The following PRKAG2 variants were observed in gnomAD, a reference collection of about 807,000 sequenced individuals.
PRKAG2 encodes protein kinase AMP-activated non-catalytic subunit gamma 2, also known as 5'-AMP-activated protein kinase subunit gamma-2.
Under a neutral mutation model 69.6 loss-of-function variants are expected in PRKAG2, and 26 were observed. That is an observed-to-expected ratio of 0.37 (90% CI 0.27 to 0.52). PRKAG2 has a LOEUF of 0.52. PRKAG2 is among the 20% of genes least tolerant of loss of function. The pLI, the probability that PRKAG2 is intolerant of heterozygous loss-of-function variation, is 0.90. For synonymous variants in PRKAG2, 293 were observed against 285.0 expected (o/e 1.03, Z -0.28); for missense variants, 557 against 740.0 (o/e 0.75, Z 2.87).
At chr7:151,636,614 G>C (rs180675421) in intron 4 of PRKAG2, among the ~76,000 whole-genome samples, 304 of 152,240 alleles carry the variant, frequency 2.0e-3, no homozygotes, top group Middle Eastern at 3.4e-3. Flanking sequence ...GGACATTCCT[G>C]TGCAAGTGTT....
intron 1 of PRKAG2, among the ~76,000 whole-genome samples, chr7:151,798,754 G>A (rs913971928): frequency 6.6e-6 from 1 of 152,338 alleles, no homozygotes; most frequent in African/African-American, 2.4e-5. Flanking sequence ...CACCAGAAGT[G>A]TGGAGCAAGG....
At chr7:151,720,198 A>G (rs770592807) in intron 3 of PRKAG2, among the ~76,000 whole-genome samples, 2 of 152,182 alleles carry the variant, frequency 1.3e-5, no homozygotes, top group Non-Finnish European at 2.9e-5. Flanking sequence ...GGCTGCAGAC[A>G]GCCGTTTGTG....
chr7:151,801,428 G>A (rs1204508628), intron 1 of PRKAG2, among the ~76,000 whole-genome samples: 1 of 152,182 alleles, frequency 6.6e-6, no homozygotes, highest in East Asian at 1.9e-4. Context: ...CCCCAGGCTG[G>A]GGCAATGAGG....
At chr7:151,870,573 C>A (rs542724591) in intron 1 of PRKAG2, among the ~76,000 whole-genome samples, 5 of 152,222 alleles carry the variant, frequency 3.3e-5, no homozygotes, top group Non-Finnish European at 7.3e-5. Flanking sequence ...GGCTTCCATC[C>A]GGAGCGTTTC....
intron 4 of PRKAG2, among the ~76,000 whole-genome samples, chr7:151,647,057 C>T (rs1485988993): frequency 1.3e-5 from 2 of 152,236 alleles, no homozygotes; most frequent in African/African-American, 2.4e-5. Context: ...TTGGAGAGAG[C>T]CAGACCGCAC....
chr7:151,557,309 T>C, intron 15 of PRKAG2, 77 bp from the exon 16 acceptor site: 4 of 1,613,098 alleles, frequency 2.5e-6, no homozygotes, highest in Non-Finnish European at 3.4e-6. Flanking sequence ...TTTCTACCTG[T>C]GTCTGGCAGT....
At chr7:151,732,193 A>G (rs1044495030) in intron 3 of PRKAG2, among the ~76,000 whole-genome samples, 25 of 138,212 alleles carry the variant, frequency 1.8e-4, no homozygotes, top group Admixed American at 4.7e-4. Context: ...GCGGGAGTGC[A>G]GTGGCATGAT....
At chr7:151,581,003 A>G (rs1810337403) in intron 6 of PRKAG2, among the ~76,000 whole-genome samples, 1 of 152,234 alleles carries the variant, frequency 6.6e-6, no homozygotes, top group African/African-American at 2.4e-5. Context: ...TGGACACCCC[A>G]TTTATCCTGA....
intron 1 of PRKAG2, among the ~76,000 whole-genome samples, chr7:151,798,489 A>T (rs2077671566): frequency 6.6e-6 from 1 of 151,746 alleles, no homozygotes; most frequent in African/African-American, 2.4e-5. Context: ...TAATTTTTCT[A>T]TTTTTAGTAG....
At chr7:151,785,270 C>T (rs371779924) in intron 2 of PRKAG2, among the ~76,000 whole-genome samples, 3 of 152,224 alleles carry the variant, frequency 2.0e-5, no homozygotes, top group Non-Finnish European at 2.9e-5. Context: ...TCAGATCTTC[C>T]GTGCAAGGTT....
intron 3 of PRKAG2, among the ~76,000 whole-genome samples, chr7:151,703,842 G>GAA (rs1302051914): frequency 2.0e-5 from 2 of 99,008 alleles, no homozygotes; most frequent in Admixed American, 1.1e-4. Context: ...GTCTTTACTG[G>GAA]AAAACACACA....
intron 4 of PRKAG2, among the ~76,000 whole-genome samples, chr7:151,658,306 T>C (rs1205395918): frequency 6.6e-6 from 1 of 150,962 alleles, no homozygotes; most frequent in African/African-American, 2.4e-5. Context: ...ACCAACATGG[T>C]GAAACCCCGT....
chr7:151,870,213 C>G (rs1035519114), intron 1 of PRKAG2, among the ~76,000 whole-genome samples: 2 of 151,256 alleles, frequency 1.3e-5, no homozygotes, highest in Non-Finnish European at 2.9e-5. Flanking sequence ...AGAGGAATAA[C>G]TCATGGGGGC....
chr7:151,662,110 C>T (rs187805600), intron 4 of PRKAG2, among the ~76,000 whole-genome samples: 41 of 152,288 alleles, frequency 2.7e-4, no homozygotes, highest in African/African-American at 8.4e-4. Flanking sequence ...TAGAATTAAA[C>T]GACATTTGCT....
chr7:151,670,629 T>C (rs1157376735), intron 4 of PRKAG2, among the ~76,000 whole-genome samples: 1 of 152,216 alleles, frequency 6.6e-6, no homozygotes, highest in Non-Finnish European at 1.5e-5. Context: ...TCTATCACAC[T>C]CCATTGTAAT....
intron 3 of PRKAG2, chr7:151,735,912 G>C (rs1295979781): frequency 1.3e-6 from 2 of 1,536,220 alleles, no homozygotes; most frequent in South Asian, 1.2e-5. Flanking sequence ...AAAAGGCCAT[G>C]AGGCTCCGAC....
intron 3 of PRKAG2, among the ~76,000 whole-genome samples, chr7:151,745,965 C>G (rs780480084): frequency 7.2e-5 from 11 of 152,312 alleles, no homozygotes; most frequent in Middle Eastern, 3.4e-3. Context: ...TGCTCCGTGG[C>G]GCAGAAGCTG....
intron 3 of PRKAG2, among the ~76,000 whole-genome samples, chr7:151,684,003 A>T: frequency 6.6e-6 from 1 of 151,948 alleles, no homozygotes; most frequent in Non-Finnish European, 1.5e-5. Flanking sequence ...CACGGCCCCT[A>T]TTGCCCGCAG....
chr7:151,623,582 G>C (rs1822093155), intron 5 of PRKAG2, among the ~76,000 whole-genome samples: 1 of 152,044 alleles, frequency 6.6e-6, no homozygotes, highest in African/African-American at 2.4e-5. Context: ...AGGGGGTTGG[G>C]GACCCCTGCT....
Sources: gnomAD v4.1 joint callset for allele counts (sites outside exome capture counted in the v4.1 genomes callset) on GRCh38, gnomAD v4.1.1 for gene constraint, MANE v1.5 for transcripts, NCBI Gene and HGNC (gene_info 2026-07-23, HGNC 2026-07-21) for gene names.